Variants in NELL2 observed in about 807,000 individuals in gnomAD.
The protein encoded by NELL2 is protein kinase C-binding protein NELL2.
In NELL2, 41 loss-of-function variants were observed where a neutral mutation model predicts 109.6. The observed-to-expected ratio is 0.37, with a 90% CI of 0.29 to 0.49. The LOEUF is 0.49. NELL2 is among the 20% of genes least tolerant of loss of function. The pLI is 0.98. For synonymous variants in NELL2, 355 were observed against 344.7 expected (o/e 1.03, Z -0.33); for missense variants, 900 against 1,008.3 (o/e 0.89, Z 1.45).
intron 12 of NELL2, among the ~76,000 whole-genome samples, chr12:44,696,456 T>C (rs767340832): frequency 6.6e-6 from 1 of 152,190 alleles, no homozygotes; most frequent in Non-Finnish European, 1.5e-5. Flanking sequence ...GTAAAAGCAA[T>C]TGTGAAGATG....
At chr12:44,822,174 A>T (rs1198283368) in intron 2 of NELL2, among the ~76,000 whole-genome samples, 1 of 152,182 alleles carries the variant, frequency 6.6e-6, no homozygotes, top group Non-Finnish European at 1.5e-5. Flanking sequence ...CTTTGAAGCC[A>T]GAAGCATGAG....
At chr12:44,602,900 T>G (rs1190325549) in intron 15 of NELL2, among the ~76,000 whole-genome samples, 1 of 152,142 alleles carries the variant, frequency 6.6e-6, no homozygotes. Context: ...AATGCTAACT[T>G]TGGATATAAC....
intron 12 of NELL2, among the ~76,000 whole-genome samples, chr12:44,683,866 T>C (rs1948617924): frequency 1.3e-5 from 2 of 152,222 alleles, no homozygotes; most frequent in African/African-American, 4.8e-5. Context: ...ATTAAGGATA[T>C]TGGTGTAAAA....
At chr12:44,859,216 C>G (rs1248153814) in intron 2 of NELL2, among the ~76,000 whole-genome samples, 1 of 152,142 alleles carries the variant, frequency 6.6e-6, no homozygotes, top group Non-Finnish European at 1.5e-5. Context: ...AGAAGCAGTG[C>G]AATAAATATT....
At chr12:44,551,742 G>A (rs1237683925) in intron 15 of NELL2, among the ~76,000 whole-genome samples, 1 of 152,122 alleles carries the variant, frequency 6.6e-6, no homozygotes, top group Admixed American at 6.6e-5. Flanking sequence ...TAAATATCTG[G>A]AAGACAATTC....
At chr12:44,710,235 C>T (rs636843) in intron 11 of NELL2, among the ~76,000 whole-genome samples, 72,908 of 152,004 alleles carry the variant, frequency 0.48, 18,522 homozygotes, top group Non-Finnish European at 0.58. Context: ...GAAAACAAAA[C>T]AGTGTATGTT....
At chr12:44,699,955 C>T (rs551320764) in intron 12 of NELL2, among the ~76,000 whole-genome samples, 2 of 152,176 alleles carry the variant, frequency 1.3e-5, no homozygotes, top group East Asian at 1.9e-4. Flanking sequence ...CATTTAGATG[C>T]CAAAGAATTC....
At chr12:44,566,129 G>C (rs1272107492) in intron 15 of NELL2, among the ~76,000 whole-genome samples, 1 of 152,112 alleles carries the variant, frequency 6.6e-6, no homozygotes, top group Non-Finnish European at 1.5e-5. Flanking sequence ...ACTTCCTGGA[G>C]AGATTCAAAA....
intron 12 of NELL2, among the ~76,000 whole-genome samples, chr12:44,673,386 C>G (rs2136354572): frequency 6.6e-6 from 1 of 152,286 alleles, no homozygotes; most frequent in Admixed American, 6.5e-5. Context: ...ATTCTCTACA[C>G]ATTCACTGAG....
At chr12:44,707,888 G>T (rs1430254108) in intron 11 of NELL2, among the ~76,000 whole-genome samples, 1 of 152,144 alleles carries the variant, frequency 6.6e-6, no homozygotes, top group East Asian at 1.9e-4. Context: ...GGAAACTATG[G>T]GTTATCCAGA....
chr12:44,733,543 C>T (rs77111782), intron 9 of NELL2, among the ~76,000 whole-genome samples: 11,405 of 151,590 alleles, frequency 0.075, 1,390 homozygotes, highest in African/African-American at 0.26. Context: ...GTGATGGTTT[C>T]CAGGCGCTAG....
chr12:44,758,617 T>C (rs1400441121), intron 9 of NELL2, among the ~76,000 whole-genome samples: 1 of 152,184 alleles, frequency 6.6e-6, no homozygotes, highest in Non-Finnish European at 1.5e-5. Context: ...ATGCATTAGA[T>C]ACTGTCAAGT....
At chr12:44,568,751 T>C (rs74385371) in intron 15 of NELL2, among the ~76,000 whole-genome samples, 6,175 of 152,072 alleles carry the variant, frequency 0.041, 429 homozygotes, top group African/African-American at 0.14. Flanking sequence ...TATATATATA[T>C]ACATTACACA....
At chr12:44,800,673 C>T (rs1215282914) in intron 3 of NELL2, among the ~76,000 whole-genome samples, 3 of 152,100 alleles carry the variant, frequency 2.0e-5, no homozygotes, top group African/African-American at 7.2e-5. Context: ...CTTTCTCTTA[C>T]GTTAACAATT....
intron 2 of NELL2, among the ~76,000 whole-genome samples, chr12:44,868,051 C>T (rs1456622553): frequency 2.2e-5 from 3 of 136,714 alleles, no homozygotes; most frequent in East Asian, 4.5e-4. Flanking sequence ...ACCTAGGAGG[C>T]AGAGGTTGCA....
At chr12:44,558,622 TGAGGAA>T (rs1943345559) in intron 15 of NELL2, among the ~76,000 whole-genome samples, 1 of 151,992 alleles carries the variant, frequency 6.6e-6, no homozygotes, top group South Asian at 2.1e-4. Context: ...GACTGTGCCA[TGAGGAA>T]GGGTGCACTC....
intron 13 of NELL2, among the ~76,000 whole-genome samples, chr12:44,640,029 T>C (rs1946792669): frequency 6.6e-6 from 1 of 152,160 alleles, no homozygotes; most frequent in Non-Finnish European, 1.5e-5. Context: ...TTTTTTTCTC[T>C]AATGTATATC....
chr12:44,655,824 A>G (rs1208297082), intron 13 of NELL2, among the ~76,000 whole-genome samples: 3 of 152,240 alleles, frequency 2.0e-5, no homozygotes, highest in African/African-American at 7.2e-5. Context: ...ATAATGAACC[A>G]CAGGAGATGA....
At chr12:44,879,443 CA>C (rs1460642824), upstream of NELL2, among the ~76,000 whole-genome samples, 2 of 150,680 alleles carry the variant, frequency 1.3e-5, no homozygotes, top group Non-Finnish European at 1.5e-5. Flanking sequence ...CCCTTCCTAC[CA>C]TATACACATA....
Sources: allele counts gnomAD v4.1 joint callset (sites outside exome capture counted in the v4.1 genomes callset), GRCh38; gene constraint gnomAD v4.1.1; transcripts MANE v1.5; gene names NCBI Gene and HGNC (gene_info 2026-07-23, HGNC 2026-07-21).